CUL5: variants seen among roughly 807,000 people sequenced by gnomAD.
CUL5 encodes the protein cullin-5.
CUL5 carries 26 observed loss-of-function variants against 108.8 expected under a neutral mutation model. That is an observed-to-expected ratio of 0.24 (90% CI 0.18 to 0.33). The LOEUF is 0.33. Among genes scored for constraint, CUL5 ranks in the 10% least tolerant of loss-of-function variants. CUL5 has a pLI of 1.00. For missense variants in CUL5, 524 were observed against 909.2 expected (o/e 0.58, Z 5.45); for synonymous variants, 334 against 298.0 (o/e 1.12, Z -1.25).
At chr11:108,098,619 A>G (rs1165136430) in intron 18 of CUL5, 90 bp downstream of exon 18, 10 of 1,151,252 alleles carry the variant, frequency 8.7e-6, no homozygotes. Context: ...TTGAATTTAA[A>G]AGCATGTAGG....
intron 18 of CUL5, 69 bp from the exon 19 acceptor site, chr11:108,104,121 T>C (rs1864733803): frequency 9.6e-7 from 1 of 1,045,966 alleles, no homozygotes; most frequent in Non-Finnish European, 1.4e-6. Flanking sequence ...TAAAAAGTCA[T>C]TTTTCAGTTT....
At chr11:108,020,540 T>TC (rs1260386612) in intron 1 of CUL5, among the ~76,000 whole-genome samples, 1 of 151,314 alleles carries the variant, frequency 6.6e-6, no homozygotes, top group East Asian at 1.9e-4. Flanking sequence ...TTGTGATTTT[T>TC]TTTTTTTTGT....
chr11:108,068,197 C>G (rs1328833550), intron 7 of CUL5, among the ~76,000 whole-genome samples: 1 of 152,134 alleles, frequency 6.6e-6, no homozygotes, highest in Non-Finnish European at 1.5e-5. Flanking sequence ...GGATTATAGG[C>G]TATGAGCCAC....
intron 2 of CUL5, among the ~76,000 whole-genome samples, chr11:108,043,074 T>A (rs571109760): frequency 6.6e-5 from 10 of 152,134 alleles, no homozygotes; most frequent in Admixed American, 2.6e-4. Context: ...GTTTCTTTTT[T>A]AAAAAAATTG....
At chr11:108,077,129 G>T (rs1248858442) in intron 10 of CUL5, among the ~76,000 whole-genome samples, 1 of 152,168 alleles carries the variant, frequency 6.6e-6, no homozygotes, top group Admixed American at 6.5e-5. Flanking sequence ...ACAGATCCAA[G>T]GATTGGCCTA....
Position 108,104,589 on chromosome 11 carries a change from A to G in CUL5, c.*205A>G. ...CCCTTCATGTTGCACACTCTTTGAC[A>G]GCATGCTGTTTTGTGGAGAAACTTG... On this transcript the variant is annotated 3_prime_UTR_variant, in exon 19 of 19. Coordinates refer to ENST00000393094, the MANE Select transcript of CUL5 (RefSeq NM_003478.6). The G allele has an allele frequency of 2.6e-6, 1 of 390,662 alleles. No homozygotes were observed. Among genetic ancestry groups the G allele is most frequent in the South Asian group, 7.3e-5 (1 of 13,630 alleles). The allele number at this position is 390,662 out of a possible 1,614,324, so 24.2% of individuals were successfully genotyped here.
At chr11:108,102,826 G>A (rs12290028) in intron 18 of CUL5, among the ~76,000 whole-genome samples, 111 of 151,970 alleles carry the variant, frequency 7.3e-4, no homozygotes, top group African/African-American at 2.6e-3. Context: ...TTTTGTTTTG[G>A]AGACAGGGTC....
At chr11:108,009,464 G>A (rs1862004161) in intron 1 of CUL5, 92 bp downstream of exon 1, 4 of 1,424,766 alleles carry the variant, frequency 2.8e-6, no homozygotes, top group Non-Finnish European at 3.0e-6. Flanking sequence ...TGCGAAGTGT[G>A]GGAGTGTTCA....
At chr11:108,010,547 T>C (rs1862036457) in intron 1 of CUL5, among the ~76,000 whole-genome samples, 1 of 152,224 alleles carries the variant, frequency 6.6e-6, no homozygotes, top group Admixed American at 6.5e-5. Flanking sequence ...GCTGTATGAC[T>C]TTGGGCAAGT....
At chr11:108,071,315 C>G (rs894459220) in intron 8 of CUL5, among the ~76,000 whole-genome samples, 2 of 152,092 alleles carry the variant, frequency 1.3e-5, no homozygotes, top group Admixed American at 1.3e-4. Flanking sequence ...ACCTGGAATT[C>G]GATGGCACGA....
At chr11:108,010,920 T>C (rs1263064528) in intron 1 of CUL5, among the ~76,000 whole-genome samples, 1 of 152,220 alleles carries the variant, frequency 6.6e-6, no homozygotes, top group Non-Finnish European at 1.5e-5. Flanking sequence ...GTTCCTACAA[T>C]ATAGGTGCTA....
At chr11:108,101,658 G>A (rs1864672184) in intron 18 of CUL5, among the ~76,000 whole-genome samples, 1 of 152,222 alleles carries the variant, frequency 6.6e-6, no homozygotes, top group African/African-American at 2.4e-5. Context: ...TGGGAACTGA[G>A]GGAGAGTCAG....
chr11:108,029,350 T>A (rs1025988653), intron 1 of CUL5, among the ~76,000 whole-genome samples: 1 of 152,234 alleles, frequency 6.6e-6, no homozygotes, highest in Non-Finnish European at 1.5e-5. Context: ...GCAAATGTTG[T>A]AGTTCTCTGA....
intron 1 of CUL5, among the ~76,000 whole-genome samples, chr11:108,014,081 T>A (rs1439386898): frequency 1.3e-5 from 2 of 152,228 alleles, no homozygotes; most frequent in Admixed American, 6.5e-5. Context: ...AAGTTTCAGA[T>A]GTGTTACCAA....
At chr11:108,077,630 CA>C (rs35289099) in intron 10 of CUL5, among the ~76,000 whole-genome samples, 105 of 136,562 alleles carry the variant, frequency 7.7e-4, no homozygotes, top group African/African-American at 9.0e-4. Context: ...ACTCTGTCTC[CA>C]AAAAAAAAAA....
chr11:108,025,931 C>G (rs1384555680), intron 1 of CUL5, among the ~76,000 whole-genome samples: 1 of 152,128 alleles, frequency 6.6e-6, no homozygotes, highest in Non-Finnish European at 1.5e-5. Context: ...ATTTGTAGCG[C>G]TCACCTCATT....
intron 3 of CUL5, among the ~76,000 whole-genome samples, chr11:108,047,161 T>C (rs1863087863): frequency 6.6e-6 from 1 of 151,714 alleles, no homozygotes; most frequent in African/African-American, 2.4e-5. Flanking sequence ...CTATACAAAA[T>C]AAAAAATTAC....
chr11:108,088,025 G>A (rs1032082612), intron 11 of CUL5, among the ~76,000 whole-genome samples: 2 of 151,740 alleles, frequency 1.3e-5, no homozygotes, highest in South Asian at 4.1e-4. Context: ...ATTCTTTATT[G>A]CTTAGGAAGA....
intron 7 of CUL5, among the ~76,000 whole-genome samples, chr11:108,067,405 A>G (rs1863713927): frequency 6.6e-6 from 1 of 152,258 alleles, no homozygotes. Flanking sequence ...GTAACCCACC[A>G]TAAGAAATAC....
Sources: gnomAD v4.1 joint callset for allele counts (sites outside exome capture counted in the v4.1 genomes callset) on GRCh38, gnomAD v4.1.1 for gene constraint, MANE v1.5 for transcripts, NCBI Gene and HGNC (gene_info 2026-07-23, HGNC 2026-07-21) for gene names.